Variants in NELL2 observed in about 807,000 individuals in gnomAD.
NELL2 encodes the protein neural EGFL like 2.
Under a neutral mutation model 109.6 loss-of-function variants are expected in NELL2, and 41 were observed. That is an observed-to-expected ratio of 0.37 (90% CI 0.29 to 0.49). NELL2 has a LOEUF of 0.49. Among genes scored for constraint, NELL2 ranks in the 20% least tolerant of loss-of-function variants. The pLI, the probability that NELL2 is intolerant of heterozygous loss-of-function variation, is 0.98. For missense variants in NELL2, 900 were observed against 1,008.3 expected, an observed-to-expected ratio of 0.89 and a Z score of 1.45; for synonymous variants, 355 against 344.7, an observed-to-expected ratio of 1.03 and a Z score of -0.33.
chr12:44,809,730 T>C (rs1375393853), intron 3 of NELL2, among the ~76,000 whole-genome samples: 1 of 152,044 alleles, frequency 6.6e-6, no homozygotes, highest in Non-Finnish European at 1.5e-5. Flanking sequence ...GAAGCTATGT[T>C]TCAGTGCCAA....
chr12:44,730,778 A>T (rs148802311), intron 9 of NELL2, among the ~76,000 whole-genome samples: 391 of 152,172 alleles, frequency 2.6e-3, no homozygotes, highest in Non-Finnish European at 3.7e-3. Flanking sequence ...TAAAGATTAG[A>T]GCAGAAAGAA....
chr12:44,551,653 A>G (rs1337178105), intron 15 of NELL2, among the ~76,000 whole-genome samples: 1 of 152,134 alleles, frequency 6.6e-6, no homozygotes, highest in Non-Finnish European at 1.5e-5. Flanking sequence ...AACTCATAGA[A>G]TTCTAAGTGG....
chr12:44,768,460 AT>A (rs1941421093), intron 9 of NELL2, among the ~76,000 whole-genome samples: 1 of 152,202 alleles, frequency 6.6e-6, no homozygotes, highest in Admixed American at 6.5e-5. Context: ...TTAAAGTAAT[AT>A]ACAAGTGAAC....
chr12:44,541,940 C>T (rs1942592250), intron 15 of NELL2, among the ~76,000 whole-genome samples: 1 of 152,062 alleles, frequency 6.6e-6, no homozygotes, highest in Admixed American at 6.6e-5. Flanking sequence ...AGATCTAAGC[C>T]CAGATATTTT....
intron 9 of NELL2, among the ~76,000 whole-genome samples, chr12:44,742,340 T>TA (rs1362715490): frequency 6.6e-6 from 1 of 151,906 alleles, no homozygotes; most frequent in Non-Finnish European, 1.5e-5. Flanking sequence ...CAAAGGTAGA[T>TA]AAAACCACAA....
At chr12:44,801,012 G>A (rs922663642) in intron 3 of NELL2, among the ~76,000 whole-genome samples, 9 of 152,100 alleles carry the variant, frequency 5.9e-5, no homozygotes, top group Non-Finnish European at 1.2e-4. Context: ...CCACTGAGGC[G>A]ACATTTTGAT....
chr12:44,714,716 G>C lies in NELL2; in HGVS notation c.1020C>G (p.Thr340=). 2 of 1,600,424 alleles carry C rather than the reference G, an allele frequency of 1.2e-6. No homozygotes were observed. The highest frequency in any genetic ancestry group is 1.3e-5 in the African/African-American group (1 of 74,308). Residue 340 remains threonine, a synonymous_variant, in exon 10 of 20, where the codon ACC becomes ACG. Transcript: ENST00000429094. ...CKSICQFQGR[T]YFEGERNTVY... ...CTGTATTTCTTTCTCCTTCAAAGTA[G>C]GTTCGTCCTTGAAATTGGCATATCG...
At chr12:44,650,302 T>G (rs1353573374) in intron 13 of NELL2, among the ~76,000 whole-genome samples, 1 of 37,354 alleles carries the variant, frequency 2.7e-5, no homozygotes, top group Non-Finnish European at 4.4e-5. Flanking sequence ...CCCCCCAATT[T>G]TTTTTTTTTT....
At chr12:44,882,936 G>A (rs1382567833) in intron 1 of NELL2, among the ~76,000 whole-genome samples, 4 of 148,322 alleles carry the variant, frequency 2.7e-5, no homozygotes, top group Non-Finnish European at 5.9e-5. Context: ...TGCCTCCTGG[G>A]CTTAAGCAAT....
chr12:44,540,858 T>C (rs1369720340), intron 15 of NELL2, among the ~76,000 whole-genome samples: 1 of 145,916 alleles, frequency 6.9e-6, no homozygotes, highest in Non-Finnish European at 1.5e-5. Context: ...TAAACATTAA[T>C]GTGAAATCAA....
At chr12:44,528,456 C>T (rs1300504828) in intron 16 of NELL2, among the ~76,000 whole-genome samples, 1 of 152,196 alleles carries the variant, frequency 6.6e-6, no homozygotes, top group South Asian at 2.1e-4. Context: ...CTTTTAACTA[C>T]ATATACATAT....
At chr12:44,653,409 C>T (rs1470785129) in intron 13 of NELL2, among the ~76,000 whole-genome samples, 1 of 152,116 alleles carries the variant, frequency 6.6e-6, no homozygotes, top group African/African-American at 2.4e-5. Flanking sequence ...CTAAATGCCA[C>T]AAAATGATCC....
chr12:44,918,454 T>C (rs1232296739), upstream of NELL2, among the ~76,000 whole-genome samples: 1 of 151,906 alleles, frequency 6.6e-6, no homozygotes, highest in Admixed American at 6.6e-5. Context: ...TAGTTTGTAT[T>C]ACTCACTTGA....
At chr12:44,708,660 TTTA>T (rs949199814) in intron 11 of NELL2, among the ~76,000 whole-genome samples, 1 of 152,170 alleles carries the variant, frequency 6.6e-6, no homozygotes, top group Non-Finnish European at 1.5e-5. Context: ...TAATGCAATC[TTTA>T]TTAAAAATAG....
intron 3 of NELL2, among the ~76,000 whole-genome samples, chr12:44,808,223 G>A (rs1490058694): frequency 1.3e-5 from 2 of 152,054 alleles, no homozygotes; most frequent in African/African-American, 4.8e-5. Context: ...CTTCTTTAGT[G>A]TGAAACGGGG....
chr12:44,827,411 G>GTTTTTTT (rs35241789), intron 2 of NELL2, among the ~76,000 whole-genome samples: 2 of 126,642 alleles, frequency 1.6e-5, no homozygotes, highest in Non-Finnish European at 3.2e-5. Flanking sequence ...TCTTCTAACT[G>GTTTTTTT]TTTTTTTTTT....
At chr12:44,758,375 T>C (rs1940981901) in intron 9 of NELL2, among the ~76,000 whole-genome samples, 1 of 152,190 alleles carries the variant, frequency 6.6e-6, no homozygotes, top group African/African-American at 2.4e-5. Flanking sequence ...CACACATAAC[T>C]CCTAGTTACT....
In NELL2 at chr12:44,565,844, G is replaced by A. The variant is rs1295555181; in HGVS notation, c.1664-33123C>T. On this transcript the variant is annotated intron_variant, in intron 15 of 19. Transcript: ENST00000429094. ...GTCTAGTGGGGAAGGAATGGGAAACGAGAGAAGATGAAGCTGGAGTGGCAA... is the reference window on the plus strand; with the variant it reads ...GTCTAGTGGGGAAGGAATGGGAAACAAGAGAAGATGAAGCTGGAGTGGCAA... Among the ~76,000 whole-genome samples, 6 of 152,148 alleles carry A rather than the reference G, an allele frequency of 3.9e-5. No individual in the cohort carries two copies. The East Asian group carries it at 7.7e-4, about 20-fold the overall frequency.
chr12:44,710,328 T>C (rs902252857), intron 11 of NELL2, among the ~76,000 whole-genome samples: 9 of 152,146 alleles, frequency 5.9e-5, no homozygotes, highest in African/African-American at 2.2e-4. Flanking sequence ...CAAGTACTAG[T>C]AGCTTATTTG....
Sources: gnomAD v4.1 joint callset for allele counts (sites outside exome capture counted in the v4.1 genomes callset) on GRCh38, gnomAD v4.1.1 for gene constraint, MANE v1.5 for transcripts, NCBI Gene and HGNC (gene_info 2026-07-23, HGNC 2026-07-21) for gene names.